Variants in CPNE3 observed in about 807,000 individuals in gnomAD.
CPNE3 encodes copine-3.
A neutral mutation model predicts 63.9 loss-of-function variants in CPNE3; 68 were observed. The ratio of observed to expected loss-of-function variants is 1.06; its 90% CI spans 0.87 to 1.30. The LOEUF (loss-of-function observed/expected upper bound fraction) is 1.30, where lower values mean the gene tolerates loss of function less well. Among genes scored for constraint, CPNE3 ranks in the 50% most tolerant of loss-of-function variants. CPNE3 has a pLI of 0.00. For missense variants in CPNE3, 665 were observed against 578.1 expected (o/e 1.15, Z -1.54); for synonymous variants, 219 against 197.5 (o/e 1.11, Z -0.91).
At position 86,556,132 on chromosome 8, in the gene CPNE3, G is replaced by T. The variant is rs1289126855; in HGVS notation, c.1285G>T (p.Gly429Cys). ...TTTTGTGCTTTTGATTATTACTGAT[G>T]GTGTGATCACAGACCTTGATGAAAC... ...QYFVLLIITD[G>C]VITDLDETRQ... Residue 429 changes from glycine (G) to cysteine (C), a missense_variant, in exon 16 of 17, where the codon GGT (glycine) becomes TGT (cysteine). Gly to Cys is a radical substitution (Grantham distance 159, BLOSUM62 -3). Coordinates refer to ENST00000517490, the MANE Select transcript of CPNE3 (RefSeq NM_003909.5). 1.1e-6 allele frequency: 1 copy of T among 872,818 alleles called. No homozygotes were observed. The highest frequency in any genetic ancestry group is 2.0e-6 in the Non-Finnish European group (1 of 501,672). 54.1% of individuals were successfully genotyped at this position (872,818 alleles called of 1,614,324 possible). A position where few individuals can be genotyped will look rare whatever the true frequency, so the allele number is the denominator to read the frequency against.
chr8:86,537,546 G>C lies in CPNE3; in HGVS notation c.460-17G>C, dbSNP rs550986779. 9 of 1,513,238 alleles carry C rather than the reference G, an allele frequency of 5.9e-6. No individual in the cohort carries two copies. Among genetic ancestry groups the C allele is most frequent in the South Asian group, 2.2e-5 (2 of 89,082 alleles). The allele number at this position is 1,513,238 out of a possible 1,614,324, so 93.7% of individuals were successfully genotyped here. A position where few individuals can be genotyped will look rare whatever the true frequency, so the allele number is the denominator to read the frequency against. ...CAGAGGAGAACAAATGCTTTTTGTT[G>C]TTTGTTTTAAATGTAGGATCTATTT... On this transcript the variant is annotated splice_polypyrimidine_tract_variant and intron_variant, in intron 6 of 16. Coordinates refer to ENST00000517490, the MANE Select transcript of CPNE3 (RefSeq NM_003909.5).
chr8:86,548,028 G>A (rs1337907612), intron 11 of CPNE3, among the ~76,000 whole-genome samples: 3 of 152,178 alleles, frequency 2.0e-5, no homozygotes, highest in African/African-American at 7.2e-5. Flanking sequence ...GGACTAGAAA[G>A]CATTAGTGAG....
chr8:86,519,148 A>G (rs1223713681), intron 2 of CPNE3, among the ~76,000 whole-genome samples: 2 of 152,240 alleles, frequency 1.3e-5, no homozygotes, highest in East Asian at 1.9e-4. Flanking sequence ...TGAAAATACA[A>G]TCAGTGATAC....
chr8:86,520,433 T>A (rs1473008598), intron 2 of CPNE3, among the ~76,000 whole-genome samples: 1 of 147,190 alleles, frequency 6.8e-6, no homozygotes, highest in Non-Finnish European at 1.5e-5. Flanking sequence ...GCAGCGCCTG[T>A]AATCCCAGCA....
At position 86,556,198 on chromosome 8, in the gene CPNE3, A is replaced by G. The variant is rs1387766860; in HGVS notation, c.1351A>G (p.Ile451Val). ...IVNASRLPMSIIIVGVGGADF... is the reference protein window; with the variant it reads ...IVNASRLPMSVIIVGVGGADF... ...TAATGCCTCCAGGCTGCCTATGTCC[A>G]TCATAATTGTTGGAGTTGGAGGTGC... The change falls in exon 16 of 17, where the codon ATC becomes GTC. Residue 451 changes from isoleucine to valine, a missense_variant. Transcript: ENST00000517490. The G allele has an allele frequency of 1.1e-6, 1 of 873,052 alleles. No homozygotes were observed. The highest frequency in any genetic ancestry group is 2.4e-5 in the East Asian group (1 of 41,710). 54.1% of individuals were successfully genotyped at this position (873,052 alleles called of 1,614,324 possible). A position where few individuals can be genotyped will look rare whatever the true frequency, so the allele number is the denominator to read the frequency against.
chr8:86,516,636 T>A (rs562341077), intron 2 of CPNE3, among the ~76,000 whole-genome samples: 1 of 152,288 alleles, frequency 6.6e-6, no homozygotes, highest in East Asian at 1.9e-4. Flanking sequence ...GTGATCCTCC[T>A]GCCTTGGCCT....
At chr8:86,527,002 CA>C (rs1446385497) in intron 2 of CPNE3, among the ~76,000 whole-genome samples, 3 of 152,114 alleles carry the variant, frequency 2.0e-5, no homozygotes, top group Admixed American at 6.6e-5. Flanking sequence ...TTTGACATTA[CA>C]AAGGGCTCTT....
chr8:86,517,972 A>G lies in CPNE3; in HGVS notation c.-11+2473A>G, dbSNP rs139636682. 3.9e-3 allele frequency among the ~76,000 whole-genome samples: 600 copies of G among 152,358 alleles called. 5 individuals are homozygous for G. The highest frequency in any genetic ancestry group is 0.014 in the African/African-American group (570 of 41,580). ...AGCTGAAACGATGTGTTAAGCAACC[A>G]GGACATGAATATTCTTGAAATCAGG... On this transcript the variant is annotated intron_variant, in intron 2 of 16. Coordinates refer to ENST00000517490, the MANE Select transcript of CPNE3 (RefSeq NM_003909.5).
At chr8:86,540,011 T>G (rs553325909) in intron 7 of CPNE3, among the ~76,000 whole-genome samples, 2 of 152,250 alleles carry the variant, frequency 1.3e-5, no homozygotes, top group South Asian at 4.1e-4. Flanking sequence ...AGATATATTT[T>G]CCAAATAGTT....
At chr8:86,517,101 CTTG>C (rs1820331804) in intron 2 of CPNE3, among the ~76,000 whole-genome samples, 1 of 152,112 alleles carries the variant, frequency 6.6e-6, no homozygotes, top group Admixed American at 6.5e-5. Flanking sequence ...ATTTTCCCTT[CTTG>C]TTCTTGCTTG....
intron 15 of CPNE3, among the ~76,000 whole-genome samples, chr8:86,555,742 ATCT>A (rs1265851392): frequency 6.6e-6 from 1 of 152,138 alleles, no homozygotes; most frequent in African/African-American, 2.4e-5. Flanking sequence ...TATTTATTTG[ATCT>A]TCTGAGAATG....
chr8:86,542,837 A>G (rs1477683678), intron 8 of CPNE3, among the ~76,000 whole-genome samples: 2 of 151,972 alleles, frequency 1.3e-5, no homozygotes, highest in Non-Finnish European at 2.9e-5. Flanking sequence ...GAGTAATCAA[A>G]ATTTTTAGTT....
At chr8:86,555,731 G>A (rs917144085) in intron 15 of CPNE3, among the ~76,000 whole-genome samples, 1 of 151,982 alleles carries the variant, frequency 6.6e-6, no homozygotes, top group African/African-American at 2.4e-5. Flanking sequence ...AATAATTTTT[G>A]TATTTATTTG....
At chr8:86,528,730 G>T in intron 3 of CPNE3, 53 bp downstream of exon 3, 1 of 1,543,566 alleles carries the variant, frequency 6.5e-7, no homozygotes. Context: ...TTTTAACAAT[G>T]TGAAGAGTTT....
chr8:86,555,060 G>C, intron 15 of CPNE3, 76 bp downstream of exon 15: 1 of 1,592,542 alleles, frequency 6.3e-7, no homozygotes, highest in Non-Finnish European at 8.5e-7. Context: ...CTATGTTTTT[G>C]GTTTGTCATA....
intron 8 of CPNE3, among the ~76,000 whole-genome samples, chr8:86,541,982 A>G (rs80035038): frequency 6.7e-4 from 102 of 152,336 alleles, no homozygotes; most frequent in Admixed American, 1.9e-3. Context: ...AGCCATAACT[A>G]TTTGATTGTG....
At chr8:86,540,037 G>C (rs947128340) in intron 7 of CPNE3, among the ~76,000 whole-genome samples, 2 of 152,108 alleles carry the variant, frequency 1.3e-5, no homozygotes, top group African/African-American at 4.8e-5. Flanking sequence ...CTTTTCCTCA[G>C]AATGTATCAC....
chr8:86,544,327 T>C (rs1180992662), intron 8 of CPNE3, among the ~76,000 whole-genome samples: 1 of 152,230 alleles, frequency 6.6e-6, no homozygotes, highest in Non-Finnish European at 1.5e-5. Context: ...CTTTCTAGAA[T>C]GTTGACTTCC....
At chr8:86,538,464 T>A (rs1820856185) in intron 7 of CPNE3, among the ~76,000 whole-genome samples, 1 of 152,200 alleles carries the variant, frequency 6.6e-6, no homozygotes, top group Non-Finnish European at 1.5e-5. Context: ...ACATTTGACA[T>A]AGCTAAATGT....
Sources: gnomAD v4.1 joint callset for allele counts (sites outside exome capture counted in the v4.1 genomes callset) on GRCh38, gnomAD v4.1.1 for gene constraint, MANE v1.5 for transcripts, NCBI Gene and HGNC (gene_info 2026-07-23, HGNC 2026-07-21) for gene names.